The following F5 variants were observed in gnomAD, a reference collection of about 807,000 sequenced individuals.
F5 encodes the protein coagulation factor V.
A neutral mutation model predicts 216.4 loss-of-function variants in F5; 138 were observed. The observed-to-expected ratio is 0.64, with a 90% CI of 0.56 to 0.73. The LOEUF (loss-of-function observed/expected upper bound fraction) is 0.73, where lower values mean the gene tolerates loss of function less well. Ranked by LOEUF, F5 falls within the 30% of genes least tolerant of loss-of-function variation. The pLI is 0.00. For missense variants in F5, 2,403 were observed against 2,674.0 expected, an observed-to-expected ratio of 0.90 and a Z score of 2.24; for synonymous variants, 916 against 930.7, an observed-to-expected ratio of 0.98 and a Z score of 0.29.
At chr1:169,546,364 T>A (rs1660002216) in intron 11 of F5, 78 bp downstream of exon 11, 1 of 1,557,288 alleles carries the variant, frequency 6.4e-7, no homozygotes, top group African/African-American at 1.4e-5. Context: ...TTTTAATCCA[T>A]GTCTCTGACT....
Position 169,556,722 on chromosome 1 carries a change from T to C in F5, c.876A>G (p.Thr292=), listed in dbSNP as rs749327325. ...KVSAITLVSA[T]STTANMTVGP... ...CCACAGTCATATTTGCGGTAGTGGA[T>C]GTAGCACTGACAAGGGTGATGGCTG... The change falls in exon 6 of 25, where the codon ACA becomes ACG. Residue 292 remains threonine, a synonymous_variant. Coordinates refer to ENST00000367797, the MANE Select transcript of F5 (RefSeq NM_000130.5). 1 of 1,614,092 alleles carries C rather than the reference T, an allele frequency of 6.2e-7. No homozygotes were observed. The highest frequency in any genetic ancestry group is 1.1e-5 in the South Asian group (1 of 91,074).
chr1:169,560,000 G>A (rs1002726860), intron 4 of F5, among the ~76,000 whole-genome samples: 9 of 152,108 alleles, frequency 5.9e-5, no homozygotes, highest in African/African-American at 2.2e-4. Flanking sequence ...ATTCTCATGG[G>A]ATAAAATGAA....
chr1:169,540,186 CACTGTTCTT>C (rs1659799660), intron 13 of F5, 99 bp downstream of exon 13: 9 of 1,223,416 alleles, frequency 7.4e-6, no homozygotes, highest in Non-Finnish European at 1.1e-5. Flanking sequence ...AGGGGAACCA[CACTGTTCTT>C]AGTATAATTT....
Position 169,582,446 on chromosome 1 carries a change from G to C in F5, c.235C>G (p.Gln79Glu), listed in dbSNP as rs750955397. 2.6e-6 allele frequency: 4 copies of C among 1,528,852 alleles called. No homozygotes were observed. The highest frequency in any genetic ancestry group is 9.0e-7 in the Non-Finnish European group (1 of 1,109,150). The allele number at this position is 1,528,852 out of a possible 1,614,324, so 94.7% of individuals were successfully genotyped here. Residue 79 changes from glutamine to glutamate, a missense_variant, in exon 2 of 25, where the codon CAA (glutamine) becomes GAA (glutamate). Transcript: ENST00000367797. ...YEPYFKKEKPQSTISGLLGPT... is the reference protein window; with the variant it reads ...YEPYFKKEKPESTISGLLGPT... Reference sequence around the variant, plus strand: ...TCAGGCTTACCTGAAATGGTAGATTGTGGTTTTTCTTTCTTAAAATATGGT... The same window carrying C: ...TCAGGCTTACCTGAAATGGTAGATTCTGGTTTTTCTTTCTTAAAATATGGT...
chr1:169,577,024 G>A (rs1660866491), intron 2 of F5, among the ~76,000 whole-genome samples: 1 of 152,150 alleles, frequency 6.6e-6, no homozygotes, highest in Non-Finnish European at 1.5e-5. Flanking sequence ...ACGCATGTAG[G>A]AAAACACATG....
intron 10 of F5, among the ~76,000 whole-genome samples, chr1:169,548,390 A>T (rs1571580566): frequency 6.6e-6 from 1 of 152,048 alleles, no homozygotes; most frequent in South Asian, 2.1e-4. Context: ...GTATTCAGTC[A>T]TTAACATTGC....
At chr1:169,534,031 T>C (rs973227763) in intron 14 of F5, among the ~76,000 whole-genome samples, 3 of 152,192 alleles carry the variant, frequency 2.0e-5, no homozygotes, top group Non-Finnish European at 4.4e-5. Context: ...GGTTATGTTA[T>C]CTATAGATTA....
At chr1:169,559,110 A>G (rs1430169066) in intron 5 of F5, 43 bp downstream of exon 5, 10 of 1,611,636 alleles carry the variant, frequency 6.2e-6, no homozygotes, top group Admixed American at 1.7e-5. Flanking sequence ...AAAAATTACT[A>G]ATGATTTTAC....
chr1:169,549,979 C>G lies in F5; in HGVS notation c.1433G>C (p.Gly478Ala), dbSNP rs1018021435. 3 of 1,614,038 alleles carry G rather than the reference C, an allele frequency of 1.9e-6. No individual in the cohort carries two copies. Among genetic ancestry groups the G allele is most frequent in the Non-Finnish European group, 2.5e-6 (3 of 1,180,022 alleles). The change falls in exon 10 of 25, where the codon GGG (glycine) becomes GCG (alanine). Residue 478 changes from glycine (G) to alanine (A), a missense_variant. By Grantham distance (60) the Gly-to-Ala change is moderately conservative. This residue lies in a region of F5 where 1,425 missense variants were observed against 1,554.8 expected (regional missense o/e 0.92). Coordinates refer to ENST00000367797, the MANE Select transcript of F5 (RefSeq NM_000130.5). ...NNTMIRAVQP[G>A]ETYTYKWNIL... The stretch of plus-strand genomic sequence containing the variant: ...GTTCCACTTATAAGTATAGGTTTCC[C>G]CTGGTTGAACTGCTCTGATCATGGT...
At chr1:169,526,392 CT>C (rs1235482349) in intron 17 of F5, among the ~76,000 whole-genome samples, 1 of 152,012 alleles carries the variant, frequency 6.6e-6, no homozygotes, top group East Asian at 1.9e-4. Flanking sequence ...TTCATTTTTG[CT>C]TTTTTCTCTT....
In F5 at chr1:169,586,312, C is replaced by G. The variant is rs765400963; in HGVS notation, c.75G>C (p.Gly25=). 1 of 1,614,168 alleles carries G rather than the reference C, an allele frequency of 6.2e-7. No individual in the cohort carries two copies. The highest frequency in any genetic ancestry group is 1.7e-5 in the Admixed American group (1 of 60,030). ...ACTGCCTTAGCTGTGCCGCTTCTGTCCCTTGGCTCCCCCAGCCTACCCAGC... is the reference window on the plus strand; with the variant it reads ...ACTGCCTTAGCTGTGCCGCTTCTGTGCCTTGGCTCCCCCAGCCTACCCAGC... The part of the protein sequence containing the change: ...GTSWVGWGSQ[G]TEAAQLRQFY... Residue 25 remains glycine (G), a synonymous_variant, in exon 1 of 25, where the codon GGG becomes GGC. Coordinates refer to ENST00000367797, the MANE Select transcript of F5 (RefSeq NM_000130.5).
At chr1:169,563,081 G>T (rs896169501) in intron 3 of F5, among the ~76,000 whole-genome samples, 1 of 151,820 alleles carries the variant, frequency 6.6e-6, no homozygotes. Flanking sequence ...TTTTGACTTG[G>T]TATAGAATAC....
intron 7 of F5, 104 bp downstream of exon 7, chr1:169,555,078 G>A: frequency 7.9e-7 from 1 of 1,267,572 alleles, no homozygotes. Context: ...ACCAATACAT[G>A]TGTCCCCTTG....
At chr1:169,543,436 GA>G (rs1182009160) in intron 12 of F5, among the ~76,000 whole-genome samples, 1 of 151,088 alleles carries the variant, frequency 6.6e-6, no homozygotes, top group Non-Finnish European at 1.5e-5. Flanking sequence ...GATTAGAGGG[GA>G]AAAAAGGTCT....
intron 2 of F5, among the ~76,000 whole-genome samples, chr1:169,574,013 A>G (rs944529735): frequency 6.6e-6 from 1 of 152,212 alleles, no homozygotes; most frequent in Non-Finnish European, 1.5e-5. Flanking sequence ...TAAAAACAAT[A>G]CAAATAAAAC....
intron 2 of F5, among the ~76,000 whole-genome samples, chr1:169,573,976 C>CA (rs1557932176): frequency 6.6e-6 from 1 of 151,492 alleles, no homozygotes; most frequent in African/African-American, 2.4e-5. Context: ...CAAAAATATT[C>CA]AAAAAACAAC....
Position 169,530,978 on chromosome 1 carries a change from G to C in F5, c.5016C>G (p.Ala1672=). Residue 1672 remains alanine (A), a synonymous_variant, in exon 15 of 25, where the codon GCC becomes GCG. Coordinates refer to ENST00000367797, the MANE Select transcript of F5 (RefSeq NM_000130.5). ...ATGATTTTTCATAGGAAAGTCCATG[G>C]GCATGTAGAGAATACGGTCTGGATG... The part of the protein sequence containing the change: ...NLASRPYSLH[A]HGLSYEKSSE... 1 of 1,613,630 alleles carries C rather than the reference G, an allele frequency of 6.2e-7. No individual in the cohort carries two copies. The highest frequency in any genetic ancestry group is 8.5e-7 in the Non-Finnish European group (1 of 1,179,794).
intron 1 of F5, 98 bp from the exon 2 acceptor site, chr1:169,582,620 TA>T: frequency 1.6e-6 from 1 of 626,500 alleles, no homozygotes; most frequent in Non-Finnish European, 2.9e-6. Flanking sequence ...AGACTTCTAG[TA>T]GAATACCAGT....
Position 169,582,531 on chromosome 1 carries a change from A to G in F5, c.159-9T>C. On this transcript the variant is annotated splice_polypyrimidine_tract_variant and intron_variant, in intron 1 of 24. Transcript: ENST00000367797. ...TTACAGAAAGATTCAAACTGGAAAT[A>G]AAATACAAAAACTAATTTGAAAGGC... 1 of 1,453,398 alleles carries G rather than the reference A, an allele frequency of 6.9e-7. No homozygotes were observed. Among genetic ancestry groups the G allele is most frequent in the Non-Finnish European group, 9.6e-7 (1 of 1,039,424 alleles). The allele number at this position is 1,453,398 out of a possible 1,614,324, so 90.0% of individuals were successfully genotyped here.
Sources: gnomAD v4.1 joint callset for allele counts (sites outside exome capture counted in the v4.1 genomes callset) on GRCh38, gnomAD v4.1.1 for gene constraint, gnomAD v4.1.1 regional missense constraint, MANE v1.5 for transcripts, NCBI Gene and HGNC (gene_info 2026-07-23, HGNC 2026-07-21) for gene names.